PLCZ1: variants seen among roughly 807,000 people sequenced by gnomAD.
PLCZ1 encodes the protein phospholipase C zeta 1.
In PLCZ1, 64 loss-of-function variants were observed where a neutral mutation model predicts 76.8. That is an observed-to-expected ratio of 0.83 (90% CI 0.68 to 1.03). The LOEUF is 1.03. Among genes scored for constraint, PLCZ1 ranks in the 50% least tolerant of loss-of-function variants. The probability of loss-of-function intolerance (pLI) is 0.00; values close to 1 mark genes in which losing one functional copy is unlikely to be tolerated. For missense variants in PLCZ1, 751 were observed against 713.7 expected (o/e 1.05, Z -0.60); for synonymous variants, 248 against 230.8 (o/e 1.07, Z -0.68).
intron 6 of PLCZ1, 141 bp from the exon 7 acceptor site, chr12:18,705,456 G>T: frequency 9.9e-7 from 1 of 1,006,202 alleles, no homozygotes; most frequent in Non-Finnish European, 1.5e-6. Flanking sequence ...TAAACTGAAA[G>T]TACTTTTGAG....
At chr12:18,686,086 C>A (rs1953106317) in intron 13 of PLCZ1, among the ~76,000 whole-genome samples, 1 of 151,980 alleles carries the variant, frequency 6.6e-6, no homozygotes, top group Admixed American at 6.6e-5. Context: ...TCTTGTCCAG[C>A]CATCTGGACG....
chr12:18,703,850 T>C (rs939813263), intron 7 of PLCZ1, among the ~76,000 whole-genome samples: 1 of 152,200 alleles, frequency 6.6e-6, no homozygotes, highest in Admixed American at 6.5e-5. Flanking sequence ...GCCTTTTGAT[T>C]ATTTTAAGTT....
At chr12:18,711,558 T>A (rs1957344861) in intron 6 of PLCZ1, among the ~76,000 whole-genome samples, 1 of 149,138 alleles carries the variant, frequency 6.7e-6, no homozygotes, top group Non-Finnish European at 1.5e-5. Context: ...ATAATAATAA[T>A]AAAAGTAAAG....
At chr12:18,727,612 G>A (rs934489025) in intron 3 of PLCZ1, among the ~76,000 whole-genome samples, 6 of 152,104 alleles carry the variant, frequency 3.9e-5, no homozygotes, top group African/African-American at 1.2e-4. Context: ...GTGAAGCTGC[G>A]GGAGCAGATA....
the PLCZ1 span, among the ~76,000 whole-genome samples, chr12:18,659,101 C>A: frequency 6.6e-6 from 1 of 152,022 alleles, no homozygotes; most frequent in African/African-American, 2.4e-5. Flanking sequence ...GAAGGGAAGA[C>A]ACACTAAAAG....
At chr12:18,701,982 A>G (rs940062830) in intron 7 of PLCZ1, among the ~76,000 whole-genome samples, 1 of 152,200 alleles carries the variant, frequency 6.6e-6, no homozygotes, top group Non-Finnish European at 1.5e-5. Context: ...TCACCAAAAA[A>G]TAAGCCTGTT....
At position 18,688,177 on chromosome 12, in the gene PLCZ1, AGAT is replaced by A; in HGVS notation, c.1500_1502del (p.Ser501del). 1 of 1,611,204 alleles carries A rather than the reference AGAT, an allele frequency of 6.2e-7. No individual in the cohort carries two copies. The highest frequency in any genetic ancestry group is 1.1e-5 in the South Asian group (1 of 91,054). Reference sequence around the variant, plus strand: ...TAATTACTAATGAATCACCTTTGTTAGATGATGAATGAGTAAGAGGCAACTGGA... The same window carrying A: ...TAATTACTAATGAATCACCTTTGTTAGATGAATGAGTAAGAGGCAACTGGA... On this transcript the variant is annotated inframe_deletion, in exon 13 of 15. Coordinates refer to ENST00000266505, the MANE Select transcript of PLCZ1 (RefSeq NM_033123.4).
rs185102572 is a variant in PLCZ1 at position 18,734,609 on chromosome 12, C to A, written c.135+1612G>T. 2.9e-3 allele frequency among the ~76,000 whole-genome samples: 441 copies of A among 152,268 alleles called. 5 individuals are homozygous for A. Among genetic ancestry groups the A allele is most frequent in the African/African-American group, 9.8e-3 (406 of 41,546 alleles). The stretch of plus-strand genomic sequence containing the variant: ...CAGGTGATGCACCTGCCTCAGCCTC[C>A]CAAAGTGCTGTGATTACAGGCATGA... On this transcript the variant is annotated intron_variant, in intron 3 of 14. Coordinates refer to ENST00000266505, the MANE Select transcript of PLCZ1 (RefSeq NM_033123.4).
At chr12:18,670,365 T>G in the PLCZ1 span, among the ~76,000 whole-genome samples, 1 of 152,098 alleles carries the variant, frequency 6.6e-6, no homozygotes, top group Non-Finnish European at 1.5e-5. Context: ...ACATTTCAAT[T>G]GTCTGTGCCA....
At chr12:18,710,728 A>G (rs972242585) in intron 6 of PLCZ1, among the ~76,000 whole-genome samples, 1 of 152,054 alleles carries the variant, frequency 6.6e-6, no homozygotes, top group Non-Finnish European at 1.5e-5. Flanking sequence ...ACATTTTAAA[A>G]GTAAAGCCAC....
At chr12:18,705,060 C>G in intron 7 of PLCZ1, 106 bp downstream of exon 7, 1 of 1,395,888 alleles carries the variant, frequency 7.2e-7, no homozygotes, top group South Asian at 1.2e-5. Context: ...GTGATCAAAA[C>G]TAAGCATTTT....
chr12:18,694,740 C>T (rs1029516900), intron 12 of PLCZ1, among the ~76,000 whole-genome samples, 170 bp downstream of exon 12: 2 of 152,082 alleles, frequency 1.3e-5, no homozygotes, highest in African/African-American at 4.8e-5. Context: ...AACAGGAAGA[C>T]ATTTTTCAGA....
the PLCZ1 span, among the ~76,000 whole-genome samples, chr12:18,647,455 A>G: frequency 9.3e-6 from 1 of 108,054 alleles, no homozygotes; most frequent in East Asian, 5.8e-4. Flanking sequence ...CTAAAATTGA[A>G]AAAAAAAAAA....
chr12:18,657,078 C>T, the PLCZ1 span, among the ~76,000 whole-genome samples: 1 of 152,050 alleles, frequency 6.6e-6, no homozygotes, highest in African/African-American at 2.4e-5. Flanking sequence ...AAAAAACAAG[C>T]CCAAAGGGTT....
intron 6 of PLCZ1, among the ~76,000 whole-genome samples, chr12:18,709,921 G>C (rs560511975): frequency 2.6e-5 from 4 of 151,472 alleles, no homozygotes; most frequent in African/African-American, 9.7e-5. Flanking sequence ...TTATACTATT[G>C]TAAATGAGAT....
chr12:18,731,528 G>A lies in PLCZ1; in HGVS notation c.135+4693C>T, dbSNP rs1326693819. Among the ~76,000 whole-genome samples, 9 of 134,980 alleles carry A rather than the reference G, an allele frequency of 6.7e-5. No homozygotes were observed. The East Asian group carries it at 1.9e-3, about 28-fold the overall frequency. 88.6% of individuals were successfully genotyped at this position (134,980 alleles called of 152,430 possible). ...CAACTGTCATTTCTGTGAGTAATAA[G>A]CTGTCTTTTTTTTTTTTTTTTTTTT... On this transcript the variant is annotated intron_variant, in intron 3 of 14. Coordinates refer to ENST00000266505, the MANE Select transcript of PLCZ1 (RefSeq NM_033123.4).
At chr12:18,673,395 A>T in the PLCZ1 span, among the ~76,000 whole-genome samples, 1 of 152,182 alleles carries the variant, frequency 6.6e-6, no homozygotes, top group Non-Finnish European at 1.5e-5. Flanking sequence ...ATATGAAAAT[A>T]TCATAAACAG....
chr12:18,649,253 C>G, the PLCZ1 span, among the ~76,000 whole-genome samples: 1 of 152,102 alleles, frequency 6.6e-6, no homozygotes, highest in Non-Finnish European at 1.5e-5. Context: ...GAAACTGCCA[C>G]AGATTTCCAC....
chr12:18,732,819 G>A (rs1355518738), intron 3 of PLCZ1, among the ~76,000 whole-genome samples: 1 of 152,108 alleles, frequency 6.6e-6, no homozygotes, highest in African/African-American at 2.4e-5. Context: ...TTTTCAGGAT[G>A]AGTAATATTT....
Sources: allele counts gnomAD v4.1 joint callset (sites outside exome capture counted in the v4.1 genomes callset), GRCh38; gene constraint gnomAD v4.1.1; transcripts MANE v1.5; gene names NCBI Gene and HGNC (gene_info 2026-07-23, HGNC 2026-07-21).